Variants in DISC1 observed in about 807,000 individuals in gnomAD.
DISC1 encodes the protein disrupted in schizophrenia 1 protein.
A neutral mutation model predicts 84.5 loss-of-function variants in DISC1; 57 were observed. That is an observed-to-expected ratio of 0.67 (90% CI 0.55 to 0.84). The LOEUF (loss-of-function observed/expected upper bound fraction) is 0.84, where lower values mean the gene tolerates loss of function less well. DISC1 is among the 40% of genes least tolerant of loss of function. DISC1 has a pLI of 0.00. For synonymous variants in DISC1, 411 were observed against 415.2 expected, an observed-to-expected ratio of 0.99 and a Z score of 0.12; for missense variants, 1,000 against 1,057.8, an observed-to-expected ratio of 0.95 and a Z score of 0.76.
intron 9 of DISC1, among the ~76,000 whole-genome samples, chr1:231,853,145 C>A (rs1195552257): frequency 6.6e-6 from 1 of 152,130 alleles, no homozygotes; most frequent in Non-Finnish European, 1.5e-5. Flanking sequence ...TGATATTTGC[C>A]TTTAGCATTC....
At chr1:231,936,444 G>A (rs1481937679) in intron 9 of DISC1, among the ~76,000 whole-genome samples, 2 of 152,114 alleles carry the variant, frequency 1.3e-5, no homozygotes, top group South Asian at 2.1e-4. Context: ...TGACACCCCT[G>A]CACTCTCTCT....
rs1287216080 is a variant in DISC1, at chr1:231,698,332, C to G, written c.1047+3527C>G. Among the ~76,000 whole-genome samples, 1 of 152,160 alleles carries G rather than the reference C, an allele frequency of 6.6e-6. No individual in the cohort carries two copies. The highest frequency in any genetic ancestry group is 1.5e-5 in the Non-Finnish European group (1 of 68,032). On this transcript the variant is annotated intron_variant, in intron 2 of 12. Transcript: ENST00000439617. The surrounding 1 kb of genome is among the most constrained non-coding windows in gnomAD (Gnocchi z 4.9). ...TGAATATTTTATGCTGTTTAGAAAT[C>G]GCTGCTTAGCGAGATTTCCAGGGGT...
At chr1:231,883,137 G>A (rs2086414689) in intron 9 of DISC1, among the ~76,000 whole-genome samples, 1 of 152,254 alleles carries the variant, frequency 6.6e-6, no homozygotes, top group Non-Finnish European at 1.5e-5. Flanking sequence ...AGATTTGGTT[G>A]CTGAGATTAA....
intron 3 of DISC1, among the ~76,000 whole-genome samples, chr1:231,747,388 G>A (rs2074109146): frequency 6.6e-6 from 1 of 151,968 alleles, no homozygotes; most frequent in Non-Finnish European, 1.5e-5. Context: ...TATCATTTTT[G>A]GTCTTACATT....
At chr1:231,937,973 C>T (rs796397257) in intron 9 of DISC1, among the ~76,000 whole-genome samples, 5 of 152,042 alleles carry the variant, frequency 3.3e-5, no homozygotes, top group African/African-American at 9.6e-5. Flanking sequence ...CATCTCCTCC[C>T]GGGGGTTCTT....
intron 9 of DISC1, among the ~76,000 whole-genome samples, chr1:231,873,047 A>C (rs1339275111): frequency 6.6e-6 from 1 of 152,230 alleles, no homozygotes; most frequent in African/African-American, 2.4e-5. Context: ...TTGCTGTGGA[A>C]GAAGATGGTG....
At chr1:231,808,808 C>T (rs149518163) in intron 8 of DISC1, among the ~76,000 whole-genome samples, 2 of 152,298 alleles carry the variant, frequency 1.3e-5, no homozygotes, top group Admixed American at 6.5e-5. Flanking sequence ...CTTGGGCATC[C>T]CAGGTAAAAC....
chr1:231,814,485 A>C (rs2080688573), intron 8 of DISC1, among the ~76,000 whole-genome samples: 1 of 152,192 alleles, frequency 6.6e-6, no homozygotes, highest in Non-Finnish European at 1.5e-5. Flanking sequence ...CATATCACTC[A>C]TTAAAAAGGA....
At chr1:232,003,270 CAT>C (rs918795637) in intron 10 of DISC1, among the ~76,000 whole-genome samples, 2 of 151,962 alleles carry the variant, frequency 1.3e-5, no homozygotes, top group African/African-American at 2.4e-5. Flanking sequence ...AAACTGAAAA[CAT>C]AGAATGGTAA....
At chr1:231,649,313 T>C (rs2060416337) in intron 1 of DISC1, among the ~76,000 whole-genome samples, 1 of 152,228 alleles carries the variant, frequency 6.6e-6, no homozygotes, top group South Asian at 2.1e-4. Context: ...TTTTGTTATT[T>C]ACCCAGTAGT....
intron 9 of DISC1, among the ~76,000 whole-genome samples, chr1:231,952,090 C>CAAA (rs11392611): frequency 1.1e-3 from 58 of 54,110 alleles, no homozygotes; most frequent in East Asian, 3.1e-3. Flanking sequence ...CTCAATGTCT[C>CAAA]AAAAAAAAAA....
In DISC1 at chr1:231,985,756, G is replaced by A. The variant is rs376888810; in HGVS notation, c.2043-23029G>A. Among the ~76,000 whole-genome samples, 12 of 152,138 alleles carry A rather than the reference G, an allele frequency of 7.9e-5. No homozygotes were observed. In the South Asian group the frequency reaches 2.3e-3, roughly 29 times the overall value. On this transcript the variant is annotated intron_variant, in intron 10 of 12. Coordinates refer to ENST00000439617, the MANE Select transcript of DISC1 (RefSeq NM_018662.3). ...AGTGTTTCTGTATTTTCACAAAAAT[G>A]AGCAAGACCTACCACAAAAAATTAT...
At chr1:231,762,795 G>C (rs141918173) in intron 4 of DISC1, among the ~76,000 whole-genome samples, 1 of 152,272 alleles carries the variant, frequency 6.6e-6, no homozygotes, top group African/African-American at 2.4e-5. Context: ...GCCCCAGTGT[G>C]AGGGTGGGGT....
Position 231,767,125 on chromosome 1 carries a change from A to G in DISC1, c.1269-15A>G. On this transcript the variant is annotated splice_polypyrimidine_tract_variant and intron_variant, in intron 4 of 12. Coordinates refer to ENST00000439617, the MANE Select transcript of DISC1 (RefSeq NM_018662.3). ...CTTCTGCATACCTGTACCAATAGGTATGTGTTGTTTTAAGGGCCAGCGGAG... is the reference window on the plus strand; with the variant it reads ...CTTCTGCATACCTGTACCAATAGGTGTGTGTTGTTTTAAGGGCCAGCGGAG... 6.2e-7 allele frequency: 1 copy of G among 1,614,028 alleles called. No individual in the cohort carries two copies. The highest frequency in any genetic ancestry group is 8.5e-7 in the Non-Finnish European group (1 of 1,179,910).
intron 1 of DISC1, among the ~76,000 whole-genome samples, chr1:231,635,971 C>T (rs2125128216): frequency 6.6e-6 from 1 of 152,136 alleles, no homozygotes; most frequent in South Asian, 2.1e-4. Flanking sequence ...TCGGGGTGTA[C>T]TAAAATCATT....
intron 3 of DISC1, among the ~76,000 whole-genome samples, chr1:231,745,188 G>A (rs926378595): frequency 1.3e-5 from 2 of 151,934 alleles, no homozygotes; most frequent in African/African-American, 2.4e-5. Flanking sequence ...TGATCAGATC[G>A]GGGTAATTAG....
At chr1:231,749,343 A>T (rs1277892545) in intron 3 of DISC1, among the ~76,000 whole-genome samples, 1 of 152,230 alleles carries the variant, frequency 6.6e-6, no homozygotes, top group Non-Finnish European at 1.5e-5. Context: ...AAATTGTATT[A>T]CACAGATTCT....
intron 11 of DISC1, among the ~76,000 whole-genome samples, chr1:232,022,884 C>G (rs1366669965): frequency 6.6e-6 from 1 of 152,172 alleles, no homozygotes; most frequent in East Asian, 1.9e-4. Context: ...GGTTCCTGCA[C>G]AAGCCTGAGA....
chr1:231,757,227 A>T (rs1272717838), intron 4 of DISC1, among the ~76,000 whole-genome samples: 1 of 152,162 alleles, frequency 6.6e-6, no homozygotes, highest in Non-Finnish European at 1.5e-5. Flanking sequence ...GACTTCCTCT[A>T]TTGCAAAACC....
Sources: allele counts gnomAD v4.1 joint callset (sites outside exome capture counted in the v4.1 genomes callset), GRCh38; gene constraint gnomAD v4.1.1; non-coding constraint Gnocchi (gnomAD v3.1); transcripts MANE v1.5; gene names NCBI Gene and HGNC (gene_info 2026-07-23, HGNC 2026-07-21).